The following CFAP65 variants were observed in gnomAD, a reference collection of about 807,000 sequenced individuals.
CFAP65 encodes cilia- and flagella-associated protein 65.
In CFAP65, 155 loss-of-function variants were observed where a neutral mutation model predicts 208.0. The ratio of observed to expected loss-of-function variants is 0.75; its 90% CI spans 0.65 to 0.85. The LOEUF is 0.85. CFAP65 is among the 40% of genes least tolerant of loss of function. The probability of loss-of-function intolerance (pLI) is 0.00; values close to 1 mark genes in which losing one functional copy is unlikely to be tolerated. For synonymous variants in CFAP65, 970 were observed against 986.3 expected, an observed-to-expected ratio of 0.98 and a Z score of 0.31; for missense variants, 2,294 against 2,451.3, an observed-to-expected ratio of 0.94 and a Z score of 1.36.
chr2:219,023,162 C>G (rs1407722927), intron 16 of CFAP65, 45 bp downstream of exon 16: 4 of 1,510,858 alleles, frequency 2.6e-6, no homozygotes, highest in Admixed American at 1.8e-5. Context: ...TAAGAGATGA[C>G]AGAAGTGAAG....
Position 219,006,092 on chromosome 2 carries a change from A to G in CFAP65, c.4851T>C (p.Thr1617=), listed in dbSNP as rs2106058917. The G allele has an allele frequency of 6.2e-7, 1 of 1,613,596 alleles. No individual in the cohort carries two copies. The highest frequency in any genetic ancestry group is 2.2e-5 in the East Asian group (1 of 44,870). Residue 1617 remains threonine (T), a synonymous_variant, in exon 31 of 35, where the codon ACT becomes ACC. Coordinates refer to ENST00000341552, the MANE Select transcript of CFAP65 (RefSeq NM_194302.4). ...AGTAGTCGGTGGCATGGGCTCGGGCAGTAAGGCCCAGGCAGAGCATGCCTG... is the reference window on the plus strand; with the variant it reads ...AGTAGTCGGTGGCATGGGCTCGGGCGGTAAGGCCCAGGCAGAGCATGCCTG... ...PSPGMLCLGL[T]ARAHATDYFL... is the part of the protein sequence containing the mutation.
intron 21 of CFAP65, among the ~76,000 whole-genome samples, chr2:219,016,289 CTTTTTT>C (rs5838714): frequency 1.2e-5 from 1 of 85,554 alleles, no homozygotes; most frequent in Admixed American, 1.5e-4. Context: ...AGTCTCCCTC[CTTTTTT>C]TTTTTTTTTT....
chr2:219,026,202 T>C (rs1459778879), intron 13 of CFAP65, 43 bp from the exon 14 acceptor site: 1 of 1,590,084 alleles, frequency 6.3e-7, no homozygotes, highest in Admixed American at 1.7e-5. Flanking sequence ...GAGTCCTGTG[T>C]CTGCCCTGTG....
intron 2 of CFAP65, chr2:219,039,294 C>A: frequency 3.3e-6 from 1 of 301,428 alleles, no homozygotes; most frequent in Non-Finnish European, 6.2e-6. Flanking sequence ...GTATCTCAGA[C>A]TAGCTCTGGC....
Position 219,024,150 on chromosome 2 carries a change from G to A in CFAP65, c.2460C>T (p.Val820=). The change falls in exon 15 of 35, where the codon GTC becomes GTT. Residue 820 remains valine (V), a synonymous_variant. Transcript: ENST00000341552. Reference sequence around the variant, plus strand: ...CAAGGCCCGAAGTGGGCCGAAGGATGACGTCTGAGCCTCTCTGGGGGGCCA... The same window carrying A: ...CAAGGCCCGAAGTGGGCCGAAGGATAACGTCTGAGCCTCTCTGGGGGGCCA... The part of the protein sequence containing the change: ...FSLAPQRGSD[V]ILRPTSGLVA... 2.5e-6 allele frequency: 4 copies of A among 1,614,052 alleles called. No homozygotes were observed. Among genetic ancestry groups the A allele is most frequent in the Non-Finnish European group, 3.4e-6 (4 of 1,180,038 alleles).
chr2:219,028,073 G>A, intron 12 of CFAP65, 64 bp from the exon 13 acceptor site: 3 of 1,528,514 alleles, frequency 2.0e-6, no homozygotes, highest in African/African-American at 1.4e-5. Flanking sequence ...GCCCCTCCTG[G>A]GTACACTCCT....
intron 21 of CFAP65, chr2:219,018,281 T>G (rs1034213439): frequency 2.6e-5 from 4 of 152,232 alleles, no homozygotes; most frequent in Non-Finnish European, 5.9e-5. Context: ...AGGAGTTTAC[T>G]AGGAAACAAA....
At chr2:219,016,072 C>T (rs751234122) in intron 21 of CFAP65, among the ~76,000 whole-genome samples, 22 of 152,120 alleles carry the variant, frequency 1.4e-4, no homozygotes, top group African/African-American at 1.9e-4. Flanking sequence ...TCCTCATCAC[C>T]CTAGCAGCTG....
At chr2:219,038,607 C>G in intron 3 of CFAP65, 29 bp from the exon 4 acceptor site, 1 of 1,583,052 alleles carries the variant, frequency 6.3e-7, no homozygotes, top group Non-Finnish European at 8.7e-7. Flanking sequence ...GGAGAGGAGA[C>G]AGGAGTGACA....
chr2:219,039,161 A>G, intron 2 of CFAP65, 111 bp from the exon 3 acceptor site: 5 of 939,148 alleles, frequency 5.3e-6, no homozygotes, highest in Non-Finnish European at 7.9e-6. Flanking sequence ...ATTTGTATAT[A>G]TGCCAGATGC....
rs969613502 is a variant in CFAP65, at chr2:219,003,541, A to G, written c.5556-269T>C. Among the ~76,000 whole-genome samples, 6 of 152,110 alleles carry G rather than the reference A, an allele frequency of 3.9e-5. No homozygotes were observed. The highest frequency in any genetic ancestry group is 7.2e-5 in the African/African-American group (3 of 41,412). ...AGGCATCTCAGGGCCAAGTTTAGAGAAAGGTAGGGAAGTGATGAGAGGGCG... is the reference window on the plus strand; with the variant it reads ...AGGCATCTCAGGGCCAAGTTTAGAGGAAGGTAGGGAAGTGATGAGAGGGCG... On this transcript the variant is annotated intron_variant, in intron 33 of 34. Coordinates refer to ENST00000341552, the MANE Select transcript of CFAP65 (RefSeq NM_194302.4). This position sits in a 1 kb window ranked among gnomAD's most constrained non-coding sequence, Gnocchi z 4.4.
intron 16 of CFAP65, 138 bp from the exon 17 acceptor site, chr2:219,022,467 G>T: frequency 1.1e-6 from 1 of 936,140 alleles, no homozygotes. Context: ...CATTGTACAC[G>T]GCACATGTAT....
chr2:219,026,234 C>T, intron 13 of CFAP65, 75 bp from the exon 14 acceptor site: 1 of 1,508,736 alleles, frequency 6.6e-7, no homozygotes, highest in Non-Finnish European at 9.0e-7. Flanking sequence ...TTTGCCCCTC[C>T]TTGCCCTTGT....
chr2:219,015,467 G>C (rs1345935317), intron 21 of CFAP65: 1 of 152,244 alleles, frequency 6.6e-6, no homozygotes, highest in African/African-American at 2.4e-5. Flanking sequence ...GTAGGAGTCA[G>C]GGAGGCCTAA....
chr2:219,006,623 C>T, intron 29 of CFAP65, 114 bp from the exon 30 acceptor site: 1 of 1,013,252 alleles, frequency 9.9e-7, no homozygotes, highest in African/African-American at 1.6e-5. Flanking sequence ...CACCTGAGAT[C>T]AGAAGTTTGA....
rs772150096 is a variant in CFAP65, at chr2:219,021,217, G to A, written c.3194C>T (p.Thr1065Ile). 2 of 1,608,856 alleles carry A rather than the reference G, an allele frequency of 1.2e-6. No individual in the cohort carries two copies. The highest frequency in any genetic ancestry group is 1.1e-5 in the South Asian group (1 of 89,756). Residue 1065 changes from threonine to isoleucine, a missense_variant, in exon 19 of 35, where the codon ACT becomes ATT. Thr to Ile is a moderately conservative substitution (Grantham distance 89). Coordinates refer to ENST00000341552, the MANE Select transcript of CFAP65 (RefSeq NM_194302.4). ...PPRSQDTICL[T>I]ACPKQRSQYS... is the part of the protein sequence containing the mutation. ...CTGGGACCGCTGCTTGGGACAGGCA[G>A]TCAGGCAGATGGTGTCCTGGGACCG...
In CFAP65 at chr2:219,030,161, T is replaced by G. The variant is rs754715171; in HGVS notation, c.1209A>C (p.Glu403Asp). The change falls in exon 10 of 35, where the codon GAA becomes GAC. Residue 403 changes from glutamate (E) to aspartate (D), a missense_variant. Glu to Asp is a conservative substitution (Grantham distance 45). This residue lies in a region of CFAP65 where 867 missense variants were observed against 1,012.6 expected (regional missense o/e 0.86). Transcript: ENST00000341552. ...CCGTGGGGCATGAGAAGGCCTGGTC[T>G]TCGGCCAGTTCATCCGGGGAAATTT... Reference protein sequence around the residue: ...RIEISPDELAEDQAFSCPTAH... With the variant: ...RIEISPDELADDQAFSCPTAH... The G allele has an allele frequency of 1.9e-6, 3 of 1,614,154 alleles. No individual in the cohort carries two copies. The Admixed American group carries it at 5.0e-5, about 27-fold the overall frequency.
rs1245879624 is a variant in CFAP65 at position 219,032,967 on chromosome 2, C to G, written c.543-395G>C. ...AGAGACCTCAGCAGAGCTGTAGCAT[C>G]CCACAGTGGGTCAGAACCACAGCTG... is the stretch of plus-strand genomic sequence containing the variant. On this transcript the variant is annotated intron_variant, in intron 5 of 34. Coordinates refer to ENST00000341552, the MANE Select transcript of CFAP65 (RefSeq NM_194302.4). This position sits in a 1 kb window ranked among gnomAD's most constrained non-coding sequence, Gnocchi z 5.5. Among the ~76,000 whole-genome samples the G allele has an allele frequency of 1.3e-5, 2 of 152,172 alleles. No individual in the cohort carries two copies. The highest frequency in any genetic ancestry group is 2.9e-5 in the Non-Finnish European group (2 of 68,032).
In CFAP65 at chr2:219,004,496, C is replaced by T; in HGVS notation, c.5052-41G>A. 2.6e-6 allele frequency: 4 copies of T among 1,555,330 alleles called. No individual in the cohort carries two copies. Among genetic ancestry groups the T allele is most frequent in the Non-Finnish European group, 3.5e-6 (4 of 1,154,532 alleles). On this transcript the variant is annotated intron_variant, in intron 32 of 34. Coordinates refer to ENST00000341552, the MANE Select transcript of CFAP65 (RefSeq NM_194302.4). The surrounding 1 kb of genome is among the most constrained non-coding windows in gnomAD (Gnocchi z 4.7). ...AAGGAGAAGGCCCTTGCTGAGGGGC[C>T]CTGAAGCCCCTGGGGAGCCCTGGCT...
Sources: gnomAD v4.1 joint callset for allele counts (sites outside exome capture counted in the v4.1 genomes callset) on GRCh38, gnomAD v4.1.1 for gene constraint, gnomAD v4.1.1 regional missense constraint, Gnocchi (gnomAD v3.1) non-coding constraint, MANE v1.5 for transcripts, NCBI Gene and HGNC (gene_info 2026-07-23, HGNC 2026-07-21) for gene names.